PPARA: variants seen among roughly 807,000 people sequenced by gnomAD.
PPARA encodes the protein peroxisome proliferator-activated receptor alpha.
PPARA carries 22 observed loss-of-function variants against 42.2 expected under a neutral mutation model. That is an observed-to-expected ratio of 0.52 (90% CI 0.37 to 0.74). PPARA has a LOEUF of 0.74. Ranked by LOEUF, PPARA falls within the 30% of genes least tolerant of loss-of-function variation. PPARA has a pLI of 0.00. For synonymous variants in PPARA, 242 were observed against 239.3 expected, an observed-to-expected ratio of 1.01 and a Z score of -0.10; for missense variants, 465 against 608.2, an observed-to-expected ratio of 0.76 and a Z score of 2.48.
rs1800204 is a variant in PPARA, at chr22:46,218,273, G to A, written c.380G>A (p.Arg127Gln). The change falls in exon 6 of 9, where the codon CGG (arginine) becomes CAG (glutamine). Residue 127 changes from arginine (R) to glutamine (Q), a missense_variant. Transcript: ENST00000407236. ...HACEGCKGFFRRTIRLKLVYD... is the reference protein window; with the variant it reads ...HACEGCKGFFQRTIRLKLVYD... ...GTATTACCCTCACAGGGCTTCTTTC[G>A]GCGAACGATTCGACTCAAGCTGGTG... 81 of 1,613,892 alleles carry A rather than the reference G, an allele frequency of 5.0e-5. No individual in the cohort carries two copies. The highest frequency in any genetic ancestry group is 6.6e-5 in the Non-Finnish European group (78 of 1,180,026).
Position 46,189,975 on chromosome 22 carries a change from G to T in PPARA, c.-42-8367G>T, listed in dbSNP as rs191498043. Among the ~76,000 whole-genome samples, 1,285 of 152,248 alleles carry T rather than the reference G, an allele frequency of 8.4e-3. 14 individuals carry two copies. The highest frequency in any genetic ancestry group is 0.029 in the African/African-American group (1,213 of 41,524). ...CCACCTCGGCCTCCCAAAGTGCTGGGATTACAGGCATGAGCGACTGCGCCC... is the reference window on the plus strand; with the variant it reads ...CCACCTCGGCCTCCCAAAGTGCTGGTATTACAGGCATGAGCGACTGCGCCC... On this transcript the variant is annotated intron_variant, in intron 3 of 8. Transcript: ENST00000407236.
In PPARA at chr22:46,217,819, C is replaced by CTTTTTTTTTTTT. The variant is rs60894989; in HGVS notation, c.370-426_370-415dup. Among the ~76,000 whole-genome samples the CTTTTTTTTTTTT allele has an allele frequency of 4.3e-4, 33 of 77,056 alleles. 3 individuals carry two copies. The highest frequency in any genetic ancestry group is 1.8e-3 in the African/African-American group (29 of 16,190). The allele number at this position is 77,056 out of a possible 152,430, so 50.6% of individuals were successfully genotyped here. A position where few individuals can be genotyped will look rare whatever the true frequency, so the allele number is the denominator to read the frequency against. On this transcript the variant is annotated intron_variant, in intron 5 of 8. Coordinates refer to ENST00000407236, the MANE Select transcript of PPARA (RefSeq NM_005036.6). ...GACTTCTTAGAAGAACTATTTCTTT[C>CTTTTTTTTTTTT]TTTTTTTTTTTTTTTTTTTTTTTTT...
At chr22:46,194,568 C>CTTTTTTTTTTTT (rs1158744441) in intron 3 of PPARA, among the ~76,000 whole-genome samples, 2 of 125,522 alleles carry the variant, frequency 1.6e-5, no homozygotes, top group African/African-American at 6.1e-5. Flanking sequence ...TTGCTTTTTC[C>CTTTTTTTTTTTT]TTTTTTTTTT....
chr22:46,186,712 C>CA (rs538482477), intron 3 of PPARA, among the ~76,000 whole-genome samples: 502 of 151,358 alleles, frequency 3.3e-3, no homozygotes, highest in Non-Finnish European at 5.2e-3. Flanking sequence ...GACTCTGTCT[C>CA]AAAAAAAATA....
chr22:46,178,553 A>G (rs996887242), intron 3 of PPARA, among the ~76,000 whole-genome samples: 1 of 152,200 alleles, frequency 6.6e-6, no homozygotes, highest in Non-Finnish European at 1.5e-5. Flanking sequence ...CAGGGAGACC[A>G]TGGTGTATAG....
intron 4 of PPARA, among the ~76,000 whole-genome samples, chr22:46,206,262 C>T (rs1015623438): frequency 1.4e-5 from 2 of 141,440 alleles, no homozygotes; most frequent in Admixed American, 6.9e-5. Context: ...CCACCACGCC[C>T]GGCTAATTTG....
rs893321809 is a variant in PPARA, at chr22:46,233,417, A to G, written c.1159+1178A>G. On this transcript the variant is annotated intron_variant, in intron 8 of 8. Coordinates refer to ENST00000407236, the MANE Select transcript of PPARA (RefSeq NM_005036.6). The surrounding 1 kb of genome is among the most constrained non-coding windows in gnomAD (Gnocchi z 7.3). ...ACCTACTGCAAACTCGGCTGACCTTACCCAGGGTTGGTGGAGACAGATGGG... is the reference window on the plus strand; with the variant it reads ...ACCTACTGCAAACTCGGCTGACCTTGCCCAGGGTTGGTGGAGACAGATGGG... Among the ~76,000 whole-genome samples the G allele has an allele frequency of 6.6e-6, 1 of 152,098 alleles. No homozygotes were observed. The highest frequency in any genetic ancestry group is 2.4e-5 in the African/African-American group (1 of 41,418).
chr22:46,240,203 G>A lies in PPARA; in HGVS notation c.*4823G>A. 2.5e-6 allele frequency: 1 copy of A among 398,694 alleles called. No homozygotes were observed. Among genetic ancestry groups the A allele is most frequent in the Non-Finnish European group, 4.4e-6 (1 of 226,140 alleles). The allele number at this position is 398,694 out of a possible 1,614,324, so 24.7% of individuals were successfully genotyped here. A position where few individuals can be genotyped will look rare whatever the true frequency, so the allele number is the denominator to read the frequency against. On this transcript the variant is annotated 3_prime_UTR_variant, in exon 9 of 9. Coordinates refer to ENST00000407236, the MANE Select transcript of PPARA (RefSeq NM_005036.6). This position sits in a 1 kb window ranked among gnomAD's most constrained non-coding sequence, Gnocchi z 6.0. ...ACCACCTATGGATGCCATGGCTCTG[G>A]GCAGCTTTCAAAGCAGGTTCCTGTG... is the stretch of plus-strand genomic sequence containing the variant.
chr22:46,207,278 T>A (rs1254668435), intron 4 of PPARA, among the ~76,000 whole-genome samples: 2 of 61,562 alleles, frequency 3.2e-5, no homozygotes. Context: ...ACATTGGCAA[T>A]TTTTTTTTTT....
rs1003821998 is a variant in PPARA, at chr22:46,216,441, G to A, written c.369+1108G>A. 2.0e-5 allele frequency among the ~76,000 whole-genome samples: 3 copies of A among 151,824 alleles called. No homozygotes were observed. Among genetic ancestry groups the A allele is most frequent in the African/African-American group, 4.8e-5 (2 of 41,298 alleles). On this transcript the variant is annotated intron_variant, in intron 5 of 8. Transcript: ENST00000407236. The surrounding 1 kb of genome is among the most constrained non-coding windows in gnomAD (Gnocchi z 4.5). The stretch of plus-strand genomic sequence containing the variant: ...CCACATTAAGAACATCACTTCATTC[G>A]AATACAAGACAGAGAGCTGTTACCG...
chr22:46,213,832 G>A (rs1232440694), intron 4 of PPARA, among the ~76,000 whole-genome samples: 3 of 152,116 alleles, frequency 2.0e-5, no homozygotes, highest in South Asian at 4.1e-4. Flanking sequence ...CTCGTGATCC[G>A]CTTGCTCCGG....
At chr22:46,198,237 CAAAAAA>C in intron 3 of PPARA, 99 bp from the exon 4 acceptor site, 2 of 186,304 alleles carry the variant, frequency 1.1e-5, no homozygotes, top group East Asian at 1.1e-4. Context: ...GACTCTGTCT[CAAAAAA>C]AAAAAAAAAA....
At position 46,163,097 on chromosome 22, in the gene PPARA, C is replaced by T. The variant is rs867609850; in HGVS notation, c.-127+11127C>T. 6.6e-5 allele frequency among the ~76,000 whole-genome samples: 10 copies of T among 152,178 alleles called. No homozygotes were observed. Among genetic ancestry groups the T allele is most frequent in the Middle Eastern group, 3.4e-3 (1 of 294 alleles). On this transcript the variant is annotated intron_variant, in intron 2 of 8. Coordinates refer to ENST00000407236, the MANE Select transcript of PPARA (RefSeq NM_005036.6). This position sits in a 1 kb window ranked among gnomAD's most constrained non-coding sequence, Gnocchi z 4.9. ...AGAGCAGCCTGCAGAGGGGAAAGAG[C>T]GGGGACAGAGGGTCACGGAGGTCGC...
chr22:46,201,237 T>G (rs1932821962), intron 4 of PPARA, among the ~76,000 whole-genome samples: 1 of 152,076 alleles, frequency 6.6e-6, no homozygotes. Flanking sequence ...ATTCTCTGCA[T>G]GCTGGCATGA....
At chr22:46,194,568 C>CT (rs1158744441) in intron 3 of PPARA, among the ~76,000 whole-genome samples, 5,319 of 125,492 alleles carry the variant, frequency 0.042, 154 homozygotes, top group Non-Finnish European at 0.052. Flanking sequence ...TTGCTTTTTC[C>CT]TTTTTTTTTT....
rs1389711138 is a variant in PPARA, at chr22:46,195,708, G to C, written c.-42-2634G>C. Among the ~76,000 whole-genome samples the C allele has an allele frequency of 6.6e-6, 1 of 152,144 alleles. No homozygotes were observed. The highest frequency in any genetic ancestry group is 1.5e-5 in the Non-Finnish European group (1 of 68,040). On this transcript the variant is annotated intron_variant, in intron 3 of 8. Coordinates refer to ENST00000407236, the MANE Select transcript of PPARA (RefSeq NM_005036.6). This position sits in a 1 kb window ranked among gnomAD's most constrained non-coding sequence, Gnocchi z 4.6. ...CATTTAATGGGTGAATATTTGCTTT[G>C]GGACGGTATTCTTTACTCTATCTGG...
intron 6 of PPARA, among the ~76,000 whole-genome samples, chr22:46,218,987 C>A (rs1934766212): frequency 6.6e-6 from 1 of 151,744 alleles, no homozygotes; most frequent in South Asian, 2.1e-4. Context: ...CATGGCAAAA[C>A]CCCGTCTCTA....
intron 4 of PPARA, among the ~76,000 whole-genome samples, chr22:46,205,546 A>ATG (rs1569226202): frequency 5.0e-4 from 16 of 32,070 alleles, no homozygotes; most frequent in East Asian, 2.2e-3. Context: ...ATATATATAT[A>ATG]TATATATATT....
In PPARA at chr22:46,219,873, C is replaced by T. The variant is rs1345560202; in HGVS notation, c.570C>T (p.Thr190=). 1 of 1,614,188 alleles carries T rather than the reference C, an allele frequency of 6.2e-7. No individual in the cohort carries two copies. Among genetic ancestry groups the T allele is most frequent in the Non-Finnish European group, 8.5e-7 (1 of 1,180,038 alleles). The part of the protein sequence containing the change: ...EKAKLKAEIL[T]CEHDIEDSET... ...CAAAACTGAAAGCAGAAATTCTTACCTGTGAACATGACATAGAAGATTCTG... is the reference window on the plus strand; with the variant it reads ...CAAAACTGAAAGCAGAAATTCTTACTTGTGAACATGACATAGAAGATTCTG... The change falls in exon 7 of 9, where the codon ACC becomes ACT. Residue 190 remains threonine, a synonymous_variant. Transcript: ENST00000407236. This position sits in a 1 kb window ranked among gnomAD's most constrained non-coding sequence, Gnocchi z 4.8.
Sources: gnomAD v4.1 joint callset for allele counts (sites outside exome capture counted in the v4.1 genomes callset) on GRCh38, gnomAD v4.1.1 for gene constraint, Gnocchi (gnomAD v3.1) non-coding constraint, MANE v1.5 for transcripts, NCBI Gene and HGNC (gene_info 2026-07-23, HGNC 2026-07-21) for gene names.